NEK6: variants seen among roughly 807,000 people sequenced by gnomAD.
The protein encoded by NEK6 is NIMA related kinase 6.
NEK6 carries 27 observed loss-of-function variants against 43.5 expected under a neutral mutation model. The ratio of observed to expected loss-of-function variants is 0.62; its 90% CI spans 0.46 to 0.86. The LOEUF (loss-of-function observed/expected upper bound fraction) is 0.86. Ranked by LOEUF, NEK6 falls within the 40% of genes least tolerant of loss-of-function variation. The pLI is 0.00. For missense variants in NEK6, 318 were observed against 414.4 expected (o/e 0.77, Z 2.02); for synonymous variants, 167 against 164.1 (o/e 1.02, Z -0.14).
chr9:124,260,745 T>C (rs1272993238), intron 1 of NEK6, among the ~76,000 whole-genome samples: 1 of 152,216 alleles, frequency 6.6e-6, no homozygotes, highest in Non-Finnish European at 1.5e-5. Context: ...GGTCTGGTGC[T>C]GTATTTTACC....
rs931530494 is a variant in NEK6, at chr9:124,343,597, A to G, written c.717+3932A>G. The stretch of plus-strand genomic sequence containing the variant: ...GGCGTTTCCCCAGCAGACAGGGAGG[A>G]GAGCCACATCTGAGCCCACGGCCAT... On this transcript the variant is annotated intron_variant, in intron 8 of 9. Coordinates refer to ENST00000320246, the MANE Select transcript of NEK6 (RefSeq NM_014397.6). This position sits in a 1 kb window ranked among gnomAD's most constrained non-coding sequence, Gnocchi z 5.1. Among the ~76,000 whole-genome samples the G allele has an allele frequency of 6.6e-6, 1 of 152,144 alleles. No homozygotes were observed. Among genetic ancestry groups the G allele is most frequent in the African/African-American group, 2.4e-5 (1 of 41,428 alleles).
chr9:124,341,612 G>A lies in NEK6; in HGVS notation c.717+1947G>A, dbSNP rs116325056. ...TAGCTGGAGCAGCCATGGCGAGTGT[G>A]TAGTGGATGGGGAAGGGGCCTGCAG... is the stretch of plus-strand genomic sequence containing the variant. On this transcript the variant is annotated intron_variant, in intron 8 of 9. Coordinates refer to ENST00000320246, the MANE Select transcript of NEK6 (RefSeq NM_014397.6). Among the ~76,000 whole-genome samples, 1,304 of 152,296 alleles carry A rather than the reference G, an allele frequency of 8.6e-3. 12 individuals are homozygous for A. Among genetic ancestry groups the A allele is most frequent in the African/African-American group, 0.03 (1,227 of 41,540 alleles).
intron 7 of NEK6, among the ~76,000 whole-genome samples, chr9:124,329,509 C>T (rs940941453): frequency 6.6e-5 from 10 of 152,242 alleles, no homozygotes; most frequent in Non-Finnish European, 1.3e-4. Context: ...AGAAGGCCGC[C>T]CTCATAAGCC....
intron 1 of NEK6, among the ~76,000 whole-genome samples, chr9:124,285,722 G>A (rs997633744): frequency 3.9e-5 from 6 of 152,112 alleles, no homozygotes; most frequent in South Asian, 2.1e-4. Flanking sequence ...AGCCAGGGCC[G>A]GCCGCAGGCA....
At chr9:124,350,269 G>A (rs374293588) in intron 9 of NEK6, among the ~76,000 whole-genome samples, 2 of 152,296 alleles carry the variant, frequency 1.3e-5, no homozygotes, top group South Asian at 2.1e-4. Context: ...TTGGCACTCC[G>A]GCTATCAGAA....
chr9:124,294,579 G>A (rs1186588041), intron 1 of NEK6, among the ~76,000 whole-genome samples: 1 of 152,086 alleles, frequency 6.6e-6, no homozygotes, highest in Admixed American at 6.5e-5. Context: ...GAGAGGCACC[G>A]ATGGGTCTTT....
intron 1 of NEK6, chr9:124,299,998 C>G (rs1231496235): frequency 6.6e-6 from 1 of 152,196 alleles, no homozygotes; most frequent in Non-Finnish European, 1.5e-5. Context: ...TTTGAGAGAG[C>G]AGGTTTACCC....
At position 124,350,908 on chromosome 9, in the gene NEK6, G is replaced by C; in HGVS notation, c.903G>C (p.Gln301His). 1 of 1,611,452 alleles carries C rather than the reference G, an allele frequency of 6.2e-7. No homozygotes were observed. Among genetic ancestry groups the C allele is most frequent in the Non-Finnish European group, 8.5e-7 (1 of 1,179,952 alleles). ...GACCTGACATCGGATACGTGCACCAGGTGGCCAAGCAGATGCACATCTGGA... is the reference window on the plus strand; with the variant it reads ...GACCTGACATCGGATACGTGCACCACGTGGCCAAGCAGATGCACATCTGGA... ...HQRPDIGYVH[Q>H]VAKQMHIWMS... The change falls in exon 10 of 10, where the codon CAG (glutamine) becomes CAC (histidine). Residue 301 changes from glutamine to histidine, a missense_variant. This residue lies in a region of NEK6 where 79 missense variants were observed against 70.0 expected (regional missense o/e 1.13). Coordinates refer to ENST00000320246, the MANE Select transcript of NEK6 (RefSeq NM_014397.6).
chr9:124,342,009 C>A (rs1829659388), intron 8 of NEK6, among the ~76,000 whole-genome samples: 2 of 152,108 alleles, frequency 1.3e-5, no homozygotes, highest in African/African-American at 4.8e-5. Context: ...TGGTGTGTGT[C>A]CCCCAGGAGG....
chr9:124,301,855 G>A lies in NEK6; in HGVS notation c.-29-81G>A, dbSNP rs1179006228. The A allele has an allele frequency of 6.9e-6, 8 of 1,164,466 alleles. 1 individual carries two copies. Among genetic ancestry groups the A allele is most frequent in the South Asian group, 1.3e-5 (1 of 75,754 alleles). 72.1% of individuals were successfully genotyped at this position (1,164,466 alleles called of 1,614,324 possible). ...GCTTTGCACCTCAGCTCACGCATCT[G>A]TAAAATGGGGTGAGCGAAAGTCCCT... On this transcript the variant is annotated intron_variant, in intron 1 of 9. Coordinates refer to ENST00000320246, the MANE Select transcript of NEK6 (RefSeq NM_014397.6).
At chr9:124,294,314 T>C (rs2119075992) in intron 1 of NEK6, among the ~76,000 whole-genome samples, 1 of 152,262 alleles carries the variant, frequency 6.6e-6, no homozygotes, top group East Asian at 1.9e-4. Context: ...CTGGGCGTGG[T>C]AGTCCTTCCA....
Position 124,330,661 on chromosome 9 carries a change from CCTT to C in NEK6, c.622+3224_622+3226del, listed in dbSNP as rs574380301. The stretch of plus-strand genomic sequence containing the variant: ...CCTGGCGCTGAGGCGCAAACCCCTT[CCTT>C]CTTCTTCCTTGAGCAAACTGCCTGG... On this transcript the variant is annotated intron_variant, in intron 7 of 9. Coordinates refer to ENST00000320246, the MANE Select transcript of NEK6 (RefSeq NM_014397.6). Among the ~76,000 whole-genome samples the C allele has an allele frequency of 7.5e-4, 115 of 152,388 alleles. 3 individuals carry two copies. The South Asian group carries it at 0.014, about 19-fold the overall frequency.
intron 8 of NEK6, among the ~76,000 whole-genome samples, chr9:124,341,429 C>T (rs531495478): frequency 3.3e-4 from 2 of 6,090 alleles, no homozygotes; most frequent in East Asian, 1.7e-3. Context: ...ATGCAGGTGA[C>T]AAGAGGGTGG....
At chr9:124,325,601 A>G (rs1405180232) in intron 5 of NEK6, among the ~76,000 whole-genome samples, 1 of 152,248 alleles carries the variant, frequency 6.6e-6, no homozygotes, top group Non-Finnish European at 1.5e-5. Flanking sequence ...CCCCGTCTCT[A>G]GCTGAGCCGT....
chr9:124,331,029 G>A (rs927159639), intron 7 of NEK6, among the ~76,000 whole-genome samples: 5 of 152,114 alleles, frequency 3.3e-5, no homozygotes, highest in East Asian at 1.9e-4. Context: ...TTGGGAAGCC[G>A]AGGCAGTCAG....
chr9:124,273,104 AGGATT>A (rs1326899442), intron 1 of NEK6, among the ~76,000 whole-genome samples: 1 of 152,302 alleles, frequency 6.6e-6, no homozygotes, highest in East Asian at 1.9e-4. Context: ...CGCGTGAGCC[AGGATT>A]GCGTTGACTC....
At chr9:124,281,490 T>C (rs1285861326) in intron 1 of NEK6, among the ~76,000 whole-genome samples, 1 of 85,492 alleles carries the variant, frequency 1.2e-5, no homozygotes, top group Admixed American at 1.1e-4. Context: ...GTTTTTTCTT[T>C]TTTTTTTTTT....
chr9:124,339,676 G>A lies in NEK6; in HGVS notation c.717+11G>A, dbSNP rs368015771. 16 of 1,598,522 alleles carry A rather than the reference G, an allele frequency of 1.0e-5. No homozygotes were observed. The African/African-American group carries it at 1.5e-4, about 15-fold the overall frequency. ...TGTCTGCTGTACGAGGTGAGTCTCTGTCCGTGGCTCAGCAGCATTTGGTGG... is the reference window on the plus strand; with the variant it reads ...TGTCTGCTGTACGAGGTGAGTCTCTATCCGTGGCTCAGCAGCATTTGGTGG... On this transcript the variant is annotated intron_variant, in intron 8 of 9. Coordinates refer to ENST00000320246, the MANE Select transcript of NEK6 (RefSeq NM_014397.6).
intron 8 of NEK6, among the ~76,000 whole-genome samples, chr9:124,346,569 G>A (rs992983673): frequency 1.3e-5 from 2 of 152,154 alleles, no homozygotes; most frequent in African/African-American, 2.4e-5. Flanking sequence ...TTCACTAGCC[G>A]GAGGCATTGG....
Sources: gnomAD v4.1 joint callset for allele counts (sites outside exome capture counted in the v4.1 genomes callset) on GRCh38, gnomAD v4.1.1 for gene constraint, gnomAD v4.1.1 regional missense constraint, Gnocchi (gnomAD v3.1) non-coding constraint, MANE v1.5 for transcripts, NCBI Gene and HGNC (gene_info 2026-07-23, HGNC 2026-07-21) for gene names.